Variants in DIO1 observed in about 807,000 individuals in gnomAD.
The protein encoded by DIO1 is type I iodothyronine deiodinase.
A neutral mutation model predicts 25.9 loss-of-function variants in DIO1; 17 were observed. That is an observed-to-expected ratio of 0.66 (90% confidence interval 0.45 to 0.98). The LOEUF (loss-of-function observed/expected upper bound fraction) is 0.98, where lower values mean the gene tolerates loss of function less well. Among genes scored for constraint, DIO1 ranks in the 50% least tolerant of loss-of-function variants. The probability of loss-of-function intolerance (pLI) is 0.00; values close to 1 mark genes in which losing one functional copy is unlikely to be tolerated. For synonymous variants in DIO1, 115 were observed against 114.0 expected (o/e 1.01, Z -0.05); for missense variants, 270 against 310.4 (o/e 0.87, Z 0.98).
intron 3 of DIO1, among the ~76,000 whole-genome samples, chr1:53,909,306 C>T (rs1333857755): frequency 6.6e-6 from 1 of 151,528 alleles, no homozygotes; most frequent in African/African-American, 2.4e-5. Context: ...TTCCCTGCTA[C>T]TCAGGAGGCT....
chr1:53,903,277 T>C lies in DIO1; in HGVS notation c.338-1389T>C, dbSNP rs190508981. ...CTTTCCCCCATCAAGGTACCTAGTA[T>C]GTTCCTTACAGAGGTTGCAATACCC... On this transcript the variant is annotated intron_variant, in intron 1 of 3. Transcript: ENST00000361921. 21 of 151,972 alleles carry C rather than the reference T, an allele frequency of 1.4e-4. No individual in the cohort carries two copies. The East Asian group carries it at 4.1e-3, about 29-fold the overall frequency. The allele number at this position is 151,972 out of a possible 1,614,324, so 9.4% of individuals were successfully genotyped here.
intron 3 of DIO1, among the ~76,000 whole-genome samples, chr1:53,906,950 G>A (rs568246707): frequency 1.4e-4 from 21 of 152,310 alleles, no homozygotes; most frequent in South Asian, 1.2e-3. Context: ...CACCGTGCCC[G>A]GTCTGTTTTT....
chr1:53,907,912 GGAAA>G (rs1651739309), intron 3 of DIO1, among the ~76,000 whole-genome samples: 1 of 71,848 alleles, frequency 1.4e-5, no homozygotes. Context: ...ACTCTGTCTC[GGAAA>G]AAAAAAAAAA....
At chr1:53,905,673 G>A (rs1651617607) in intron 2 of DIO1, among the ~76,000 whole-genome samples, 1 of 152,122 alleles carries the variant, frequency 6.6e-6, no homozygotes, top group African/African-American at 2.4e-5. Flanking sequence ...TTAGTCTGGG[G>A]ACACACACTT....
At chr1:53,898,744 CAAAAAAA>C (rs60469690) in intron 1 of DIO1, among the ~76,000 whole-genome samples, 10 of 106,620 alleles carry the variant, frequency 9.4e-5, no homozygotes, top group Admixed American at 2.0e-4. Flanking sequence ...GACTCTGTCT[CAAAAAAA>C]AAAAAAAAAA....
At chr1:53,897,240 C>T (rs1651123266) in intron 1 of DIO1, among the ~76,000 whole-genome samples, 1 of 152,216 alleles carries the variant, frequency 6.6e-6, no homozygotes, top group Non-Finnish European at 1.5e-5. Context: ...CTTTGGGAGG[C>T]TGAGGCGGGC....
At chr1:53,901,299 A>C (rs903107571) in intron 1 of DIO1, among the ~76,000 whole-genome samples, 2 of 152,154 alleles carry the variant, frequency 1.3e-5, no homozygotes, top group African/African-American at 4.8e-5. Context: ...AAGCAACAGA[A>C]GCTCCCTCTG....
chr1:53,898,670 G>A (rs1199540043), intron 1 of DIO1, among the ~76,000 whole-genome samples: 1 of 151,482 alleles, frequency 6.6e-6, no homozygotes, highest in Non-Finnish European at 1.5e-5. Flanking sequence ...GCTTGAACCC[G>A]GGAGGTGGAG....
At position 53,894,467 on chromosome 1, in the gene DIO1, C is replaced by T; in HGVS notation, c.257C>T (p.Thr86Ile). 6.2e-7 allele frequency: 1 copy of T among 1,614,226 alleles called. No homozygotes were observed. The highest frequency in any genetic ancestry group is 8.5e-7 in the Non-Finnish European group (1 of 1,180,046). ...KVRWQRLEDT[T>I]ELGGLAPNCP... The stretch of plus-strand genomic sequence containing the variant: ...CGTTGGCAGCGACTAGAGGACACGA[C>T]TGAGCTAGGGGGTCTGGCCCCAAAC... The change falls in exon 1 of 4, where the codon ACT becomes ATT. Residue 86 changes from threonine to isoleucine, a missense_variant. Physicochemically the swap from Thr to Ile is moderately conservative, Grantham distance 89 (BLOSUM62 -1). Coordinates refer to ENST00000361921, the MANE Select transcript of DIO1 (RefSeq NM_000792.7). The surrounding 1 kb of genome is among the most constrained non-coding windows in gnomAD (Gnocchi z 4.9).
chr1:53,896,210 CTT>C (rs199555423), intron 1 of DIO1, among the ~76,000 whole-genome samples: 187 of 103,520 alleles, frequency 1.8e-3, no homozygotes, highest in African/African-American at 6.9e-3. Flanking sequence ...TTCTTTTTCT[CTT>C]TTTTTTTTTT....
At chr1:53,895,220 C>G (rs1457614003) in intron 1 of DIO1, among the ~76,000 whole-genome samples, 1 of 152,094 alleles carries the variant, frequency 6.6e-6, no homozygotes, top group African/African-American at 2.4e-5. Context: ...GTCAGGAGTT[C>G]GAGACCATCC....
At chr1:53,906,069 C>T in intron 2 of DIO1, 26 bp from the exon 3 acceptor site, 1 of 1,611,662 alleles carries the variant, frequency 6.2e-7, no homozygotes, top group Non-Finnish European at 8.5e-7. Flanking sequence ...GTCAATGGGA[C>T]TCGGTGCCTG....
chr1:53,909,178 G>T (rs1651810243), intron 3 of DIO1, among the ~76,000 whole-genome samples: 1 of 151,890 alleles, frequency 6.6e-6, no homozygotes, highest in Admixed American at 6.6e-5. Flanking sequence ...CACTTTGGGA[G>T]GCCAAGGCGG....
At chr1:53,901,196 C>G (rs1219859479) in intron 1 of DIO1, among the ~76,000 whole-genome samples, 3 of 151,988 alleles carry the variant, frequency 2.0e-5, no homozygotes, top group Non-Finnish European at 4.4e-5. Context: ...CATTTTCACT[C>G]TTAGTCCTTT....
chr1:53,903,964 T>C (rs1032427810), intron 1 of DIO1, among the ~76,000 whole-genome samples: 1 of 151,960 alleles, frequency 6.6e-6, no homozygotes, highest in Non-Finnish European at 1.5e-5. Context: ...CAGCTGGTCC[T>C]GCTCCTAGCA....
intron 1 of DIO1, among the ~76,000 whole-genome samples, chr1:53,899,197 G>A (rs57939406): frequency 6.6e-6 from 1 of 152,360 alleles, no homozygotes; most frequent in African/African-American, 2.4e-5. Flanking sequence ...ATACCTGAGA[G>A]TTAATCTGAA....
intron 3 of DIO1, among the ~76,000 whole-genome samples, chr1:53,907,710 G>A (rs1233933044): frequency 6.6e-6 from 1 of 151,814 alleles, no homozygotes; most frequent in Admixed American, 6.6e-5. Context: ...TTGGGAGTTG[G>A]AGACCAGCCT....
At chr1:53,898,852 GA>G (rs1441177648) in intron 1 of DIO1, among the ~76,000 whole-genome samples, 3 of 151,996 alleles carry the variant, frequency 2.0e-5, no homozygotes, top group Non-Finnish European at 4.4e-5. Context: ...CTCAGAGCCA[GA>G]GACAGAGAGA....
intron 1 of DIO1, among the ~76,000 whole-genome samples, chr1:53,901,516 C>T (rs1651366471): frequency 6.6e-6 from 1 of 152,112 alleles, no homozygotes; most frequent in Non-Finnish European, 1.5e-5. Context: ...ATGAATTCTG[C>T]CGTCTCAATG....
Sources: gnomAD v4.1 joint callset for allele counts (sites outside exome capture counted in the v4.1 genomes callset) on GRCh38, gnomAD v4.1.1 for gene constraint, Gnocchi (gnomAD v3.1) non-coding constraint, MANE v1.5 for transcripts, NCBI Gene and HGNC (gene_info 2026-07-23, HGNC 2026-07-21) for gene names.